Variants in OSTF1 observed in about 807,000 individuals in gnomAD.
The protein encoded by OSTF1 is osteoclast stimulating factor 1, also known as osteoclast-stimulating factor 1.
Under a neutral mutation model 37.2 loss-of-function variants are expected in OSTF1, and 27 were observed. That is an observed-to-expected ratio of 0.73 (90% CI 0.54 to 1.00). OSTF1 has a LOEUF of 1.00. Ranked by LOEUF, OSTF1 falls within the 50% of genes least tolerant of loss-of-function variation. The pLI, the probability that OSTF1 is intolerant of heterozygous loss-of-function variation, is 0.00. For synonymous variants in OSTF1, 82 were observed against 89.2 expected (o/e 0.92, Z 0.46); for missense variants, 232 against 253.8 (o/e 0.91, Z 0.58).
chr9:75,095,332 C>T (rs1825056129), intron 1 of OSTF1, among the ~76,000 whole-genome samples: 1 of 152,114 alleles, frequency 6.6e-6, no homozygotes, highest in South Asian at 2.1e-4. Context: ...GTTTACTTCC[C>T]TACCAAAAAT....
At chr9:75,141,017 A>G in intron 9 of OSTF1, 85 bp downstream of exon 9, 1 of 954,336 alleles carries the variant, frequency 1.0e-6, no homozygotes, top group African/African-American at 1.6e-5. Context: ...AGATAAACTC[A>G]GCTGAGTGCA....
chr9:75,099,914 C>T (rs921200618), intron 1 of OSTF1, among the ~76,000 whole-genome samples: 2 of 152,038 alleles, frequency 1.3e-5, no homozygotes, highest in African/African-American at 2.4e-5. Flanking sequence ...ATTATACTTA[C>T]GGGAATAAAT....
chr9:75,113,072 G>A (rs1000696706), intron 1 of OSTF1, among the ~76,000 whole-genome samples: 1 of 151,980 alleles, frequency 6.6e-6, no homozygotes, highest in African/African-American at 2.4e-5. Context: ...TGCCTATTAA[G>A]CCCCTCCTAG....
At chr9:75,090,235 T>A (rs924596718) in intron 1 of OSTF1, among the ~76,000 whole-genome samples, 14 of 152,160 alleles carry the variant, frequency 9.2e-5, no homozygotes, top group Non-Finnish European at 1.8e-4. Context: ...ATGCCCTTTT[T>A]AAAAATCTCT....
intron 1 of OSTF1, among the ~76,000 whole-genome samples, chr9:75,101,964 T>A (rs1025800939): frequency 4.6e-5 from 7 of 152,282 alleles, no homozygotes; most frequent in Middle Eastern, 3.4e-3. Flanking sequence ...TTTAAAAAAA[T>A]TTTTAAATTA....
chr9:75,146,818 T>G lies in OSTF1; in HGVS notation c.*77T>G, dbSNP rs1416403225. 4 of 1,033,060 alleles carry G rather than the reference T, an allele frequency of 3.9e-6. No homozygotes were observed. In the East Asian group the frequency reaches 9.5e-5, roughly 25 times the overall value. 64.0% of individuals were successfully genotyped at this position (1,033,060 alleles called of 1,614,324 possible). On this transcript the variant is annotated 3_prime_UTR_variant, in exon 10 of 10. Coordinates refer to ENST00000346234, the MANE Select transcript of OSTF1 (RefSeq NM_012383.5). ...AAACTTTGTCTTTGCCAGAAAAGTG[T>G]TGGTAACTATAAAGAAAATTATATA... is the stretch of plus-strand genomic sequence containing the variant.
At chr9:75,141,849 G>A (rs1221951217) in intron 9 of OSTF1, among the ~76,000 whole-genome samples, 1 of 152,110 alleles carries the variant, frequency 6.6e-6, no homozygotes, top group Non-Finnish European at 1.5e-5. Context: ...CTAGGCTCAC[G>A]TGATCCTCCC....
At chr9:75,134,024 G>C (rs1006336547) in intron 6 of OSTF1, among the ~76,000 whole-genome samples, 1 of 152,096 alleles carries the variant, frequency 6.6e-6, no homozygotes, top group Non-Finnish European at 1.5e-5. Context: ...ATTTGTAACT[G>C]TCTACTAAAA....
At chr9:75,137,432 A>T in intron 7 of OSTF1, 106 bp from the exon 8 acceptor site, 1 of 711,116 alleles carries the variant, frequency 1.4e-6, no homozygotes, top group Non-Finnish European at 2.5e-6. Context: ...CTTTGTTCCC[A>T]TTTTAGGTTT....
At chr9:75,122,530 C>A (rs542525143) in intron 2 of OSTF1, among the ~76,000 whole-genome samples, 2 of 152,294 alleles carry the variant, frequency 1.3e-5, no homozygotes, top group East Asian at 3.9e-4. Context: ...CAGATATTTT[C>A]CAAGGTGGCC....
At chr9:75,132,293 A>C (rs1303194394) in intron 5 of OSTF1, among the ~76,000 whole-genome samples, 2 of 152,174 alleles carry the variant, frequency 1.3e-5, no homozygotes, top group Non-Finnish European at 2.9e-5. Context: ...GCATTTGGCC[A>C]GGGAGGGCAT....
intron 6 of OSTF1, 30 bp downstream of exon 6, chr9:75,133,431 A>T (rs983332591): frequency 7.6e-7 from 1 of 1,310,802 alleles, no homozygotes; most frequent in Non-Finnish European, 1.1e-6. Flanking sequence ...ATATGTTTCT[A>T]TGCTGCTGAA....
chr9:75,110,744 T>C (rs1420186484), intron 1 of OSTF1, among the ~76,000 whole-genome samples: 1 of 151,732 alleles, frequency 6.6e-6, no homozygotes, highest in African/African-American at 2.4e-5. Context: ...AAGATTTCAC[T>C]CTGTCATCCA....
chr9:75,115,510 G>A (rs542517676), intron 1 of OSTF1, among the ~76,000 whole-genome samples: 18 of 152,088 alleles, frequency 1.2e-4, no homozygotes, highest in African/African-American at 4.3e-4. Flanking sequence ...GACTGGTCTC[G>A]AACACCTGAC....
chr9:75,137,480 T>C (rs1267483998), intron 7 of OSTF1, 58 bp from the exon 8 acceptor site: 2 of 1,129,758 alleles, frequency 1.8e-6, no homozygotes, highest in African/African-American at 1.5e-5. Context: ...TGAATTAACA[T>C]GTACTTTCAA....
intron 1 of OSTF1, among the ~76,000 whole-genome samples, chr9:75,115,920 A>G (rs1825480387): frequency 6.6e-6 from 1 of 152,040 alleles, no homozygotes; most frequent in Non-Finnish European, 1.5e-5. Flanking sequence ...CCTGGCCAAC[A>G]TGGCGAAACC....
chr9:75,134,162 A>G (rs572645743), intron 6 of OSTF1, among the ~76,000 whole-genome samples, 184 bp from the exon 7 acceptor site: 1 of 152,286 alleles, frequency 6.6e-6, no homozygotes, highest in East Asian at 1.9e-4. Flanking sequence ...GAAAAAGTAT[A>G]TTTTCCTAAA....
chr9:75,138,035 C>A (rs1281632291), intron 8 of OSTF1, among the ~76,000 whole-genome samples: 1 of 152,172 alleles, frequency 6.6e-6, no homozygotes, highest in Non-Finnish European at 1.5e-5. Context: ...CTGCAATGTC[C>A]TGCTTTGAGC....
chr9:75,146,840 T>C lies in OSTF1; in HGVS notation c.*99T>C. The C allele has an allele frequency of 2.5e-6, 2 of 794,266 alleles. No homozygotes were observed. Among genetic ancestry groups the C allele is most frequent in the East Asian group, 5.1e-5 (2 of 39,344 alleles). 49.2% of individuals were successfully genotyped at this position (794,266 alleles called of 1,614,324 possible). A position where few individuals can be genotyped will look rare whatever the true frequency, so the allele number is the denominator to read the frequency against. On this transcript the variant is annotated 3_prime_UTR_variant, in exon 10 of 10. Transcript: ENST00000346234. The stretch of plus-strand genomic sequence containing the variant: ...GTGTTGGTAACTATAAAGAAAATTA[T>C]ATATGAACACGGCAGTGTTGCACTG...
Sources: gnomAD v4.1 joint callset for allele counts (sites outside exome capture counted in the v4.1 genomes callset) on GRCh38, gnomAD v4.1.1 for gene constraint, MANE v1.5 for transcripts, NCBI Gene and HGNC (gene_info 2026-07-23, HGNC 2026-07-21) for gene names.